The following LUZP2 variants were observed in gnomAD, a reference collection of about 807,000 sequenced individuals.
The protein encoded by LUZP2 is leucine zipper protein 2.
A neutral mutation model predicts 51.6 loss-of-function variants in LUZP2; 52 were observed. That is an observed-to-expected ratio of 1.01 (90% CI 0.81 to 1.27). LUZP2 has a LOEUF of 1.27. LUZP2 is among the 50% of genes most tolerant of loss of function. LUZP2 has a pLI of 0.00. For missense variants in LUZP2, 436 were observed against 395.4 expected (o/e 1.10, Z -0.87); for synonymous variants, 154 against 137.3 (o/e 1.12, Z -0.85).
chr11:24,578,324 C>A (rs891808379), intron 1 of LUZP2, among the ~76,000 whole-genome samples: 6 of 151,910 alleles, frequency 3.9e-5, no homozygotes, highest in African/African-American at 1.5e-4. Flanking sequence ...TCATAATATA[C>A]TTTTTGTTTT....
At position 25,038,222 on chromosome 11, in the gene LUZP2, T is replaced by A. The variant is rs540904115; in HGVS notation, c.766-11816T>A. Reference sequence around the variant, plus strand: ...CCATTTTTTAAATTCTTTAAAAAATTTTTCTGTCTGACATAATTTATTTGA... The same window carrying A: ...CCATTTTTTAAATTCTTTAAAAAATATTTCTGTCTGACATAATTTATTTGA... On this transcript the variant is annotated intron_variant, in intron 9 of 11. Coordinates refer to ENST00000336930, the MANE Select transcript of LUZP2 (RefSeq NM_001009909.4). Among the ~76,000 whole-genome samples the A allele has an allele frequency of 5.3e-5, 8 of 152,262 alleles. No individual in the cohort carries two copies. The East Asian group carries it at 1.5e-3, about 29-fold the overall frequency.
At chr11:24,805,925 G>C (rs1849843507) in intron 5 of LUZP2, among the ~76,000 whole-genome samples, 1 of 152,124 alleles carries the variant, frequency 6.6e-6, no homozygotes, top group Non-Finnish European at 1.5e-5. Flanking sequence ...TATTGCAGGG[G>C]TTTTAATTCC....
intron 1 of LUZP2, among the ~76,000 whole-genome samples, chr11:24,512,875 G>A (rs7108423): frequency 0.39 from 59,487 of 151,402 alleles, 11,829 homozygotes; most frequent in South Asian, 0.58. Context: ...TCAGCCCCCC[G>A]AGTAGCTGGG....
At chr11:24,584,702 G>T (rs183651596) in intron 1 of LUZP2, among the ~76,000 whole-genome samples, 144 of 152,244 alleles carry the variant, frequency 9.5e-4, no homozygotes, top group Non-Finnish European at 1.5e-3. Context: ...GGTGACATTA[G>T]TATCCATGGC....
chr11:24,819,105 C>T (rs529851749), intron 5 of LUZP2, among the ~76,000 whole-genome samples: 26 of 151,832 alleles, frequency 1.7e-4, no homozygotes, highest in Admixed American at 9.2e-4. Context: ...GAGTTGGCGA[C>T]TCTGAGAAAA....
At chr11:24,639,105 TTTTCTC>T (rs1341336697) in intron 1 of LUZP2, among the ~76,000 whole-genome samples, 1 of 151,802 alleles carries the variant, frequency 6.6e-6, no homozygotes, top group Admixed American at 6.6e-5. Flanking sequence ...ATATGAAACT[TTTTCTC>T]TATAGCAATA....
At chr11:24,633,136 A>G (rs1395408698) in intron 1 of LUZP2, among the ~76,000 whole-genome samples, 1 of 151,984 alleles carries the variant, frequency 6.6e-6, no homozygotes, top group African/African-American at 2.4e-5. Flanking sequence ...ATGTAAAATT[A>G]CCTTCATATG....
intron 10 of LUZP2, among the ~76,000 whole-genome samples, chr11:25,074,284 TATAGTA>T: frequency 6.6e-6 from 1 of 152,172 alleles, no homozygotes; most frequent in Non-Finnish European, 1.5e-5. Context: ...ACCTATTCAG[TATAGTA>T]ATGTGGCCTT....
At chr11:25,047,947 T>G (rs1858368644) in intron 9 of LUZP2, among the ~76,000 whole-genome samples, 1 of 148,670 alleles carries the variant, frequency 6.7e-6, no homozygotes, top group Admixed American at 6.9e-5. Context: ...GCCTCCTCAT[T>G]AGCTAGGATT....
At chr11:24,741,912 A>ATT in intron 4 of LUZP2, among the ~76,000 whole-genome samples, 1 of 20,566 alleles carries the variant, frequency 4.9e-5, no homozygotes, top group Non-Finnish European at 1.5e-4. Context: ...TTTCTATATA[A>ATT]TATATACATT....
intron 5 of LUZP2, among the ~76,000 whole-genome samples, chr11:24,898,165 T>C (rs1002898845): frequency 6.6e-6 from 1 of 152,038 alleles, no homozygotes; most frequent in African/African-American, 2.4e-5. Context: ...TGAGAAAATA[T>C]CCATGAAGAG....
At position 25,075,363 on chromosome 11, in the gene LUZP2, G is replaced by A. The variant is rs147084540; in HGVS notation, c.859-1966G>A. Among the ~76,000 whole-genome samples, 819 of 152,224 alleles carry A rather than the reference G, an allele frequency of 5.4e-3. 9 individuals are homozygous for A. The highest frequency in any genetic ancestry group is 0.019 in the African/African-American group (779 of 41,540). ...GAAGAACCAATTGTGTATAAAATGT[G>A]CCTAAATGTGGCCATACAAAGAAAG... On this transcript the variant is annotated intron_variant, in intron 10 of 11. Transcript: ENST00000336930.
At chr11:24,517,521 T>A in intron 1 of LUZP2, among the ~76,000 whole-genome samples, 1 of 129,940 alleles carries the variant, frequency 7.7e-6, no homozygotes, top group African/African-American at 2.9e-5. Context: ...AAATTGTAGG[T>A]ACATATTAAA....
chr11:24,690,888 G>A (rs966099590), intron 1 of LUZP2, among the ~76,000 whole-genome samples: 2 of 152,024 alleles, frequency 1.3e-5, no homozygotes, highest in African/African-American at 4.8e-5. Context: ...ACCAGAAAAT[G>A]TAATTTGTAA....
intron 1 of LUZP2, among the ~76,000 whole-genome samples, chr11:24,628,824 G>T (rs760429044): frequency 1.3e-5 from 2 of 152,100 alleles, no homozygotes; most frequent in South Asian, 2.1e-4. Context: ...CTCCCAAAAT[G>T]CTGGGATTAC....
Position 24,995,759 on chromosome 11 carries a change from A to G in LUZP2, c.765+12466A>G, listed in dbSNP as rs79074973. Reference sequence around the variant, plus strand: ...CTTTAAATTTTGTTTTCTTTTTTCAATGGTTATCAGCATGCTCTAAATTCA... The same window carrying G: ...CTTTAAATTTTGTTTTCTTTTTTCAGTGGTTATCAGCATGCTCTAAATTCA... On this transcript the variant is annotated intron_variant, in intron 9 of 11. Transcript: ENST00000336930. 1.1e-3 allele frequency among the ~76,000 whole-genome samples: 166 copies of G among 151,924 alleles called. No individual in the cohort carries two copies. The East Asian group carries it at 0.027, about 24-fold the overall frequency.
At chr11:24,749,393 T>C (rs1009770496) in intron 4 of LUZP2, among the ~76,000 whole-genome samples, 1 of 152,186 alleles carries the variant, frequency 6.6e-6, no homozygotes, top group Non-Finnish European at 1.5e-5. Context: ...TGGCTAATAT[T>C]AGGTGACAAC....
intron 4 of LUZP2, among the ~76,000 whole-genome samples, chr11:24,742,243 T>C (rs1187358228): frequency 6.6e-6 from 1 of 151,454 alleles, no homozygotes; most frequent in African/African-American, 2.4e-5. Flanking sequence ...GATCTAATGG[T>C]AGTTCTACTT....
intron 1 of LUZP2, among the ~76,000 whole-genome samples, chr11:24,568,134 A>G (rs1019566694): frequency 6.6e-6 from 1 of 152,090 alleles, no homozygotes; most frequent in Non-Finnish European, 1.5e-5. Context: ...GCAAATTGCA[A>G]TTGCAAAAAA....
Sources: allele counts gnomAD v4.1 joint callset (sites outside exome capture counted in the v4.1 genomes callset), GRCh38; gene constraint gnomAD v4.1.1; transcripts MANE v1.5; gene names NCBI Gene and HGNC (gene_info 2026-07-23, HGNC 2026-07-21).